Variants in ATF7 observed in about 807,000 individuals in gnomAD.
ATF7 encodes cyclic AMP-dependent transcription factor ATF-7.
A neutral mutation model predicts 50.4 loss-of-function variants in ATF7; 10 were observed. The ratio of observed to expected loss-of-function variants is 0.20; its 90% CI spans 0.12 to 0.34. The LOEUF is 0.34. ATF7 is among the 10% of genes least tolerant of loss of function. The pLI, the probability that ATF7 is intolerant of heterozygous loss-of-function variation, is 1.00. For synonymous variants in ATF7, 201 were observed against 226.4 expected (o/e 0.89, Z 1.01); for missense variants, 465 against 613.9 (o/e 0.76, Z 2.56).
intron 2 of ATF7, among the ~76,000 whole-genome samples, chr12:53,558,218 G>A (rs2137543081): frequency 6.6e-6 from 1 of 152,320 alleles, no homozygotes; most frequent in Non-Finnish European, 1.5e-5. Flanking sequence ...AATGTTTGGA[G>A]ACATTTTTGT....
chr12:53,540,560 C>T (rs1001261810), intron 4 of ATF7, among the ~76,000 whole-genome samples: 1 of 151,396 alleles, frequency 6.6e-6, no homozygotes, highest in African/African-American at 2.4e-5. Flanking sequence ...CCTATCTCTA[C>T]TAAAAATACA....
chr12:53,562,353 A>T (rs978273553), intron 2 of ATF7, among the ~76,000 whole-genome samples: 2 of 152,164 alleles, frequency 1.3e-5, no homozygotes, highest in South Asian at 4.1e-4. Flanking sequence ...ACTTTTGCCC[A>T]TGTAGGCCGG....
chr12:53,587,843 A>ATATATATATATTTTTTTT, intron 2 of ATF7, among the ~76,000 whole-genome samples: 1 of 61,568 alleles, frequency 1.6e-5, no homozygotes, highest in Non-Finnish European at 3.4e-5. Context: ...ATATATATAT[A>ATATATATATATTTTTTTT]TTTTTTTTTT....
At chr12:53,625,236 G>A (rs1944556195) in intron 1 of ATF7, among the ~76,000 whole-genome samples, 1 of 152,198 alleles carries the variant, frequency 6.6e-6, no homozygotes, top group Non-Finnish European at 1.5e-5. Flanking sequence ...GACTGCTTAA[G>A]TCCCAAGACC....
intron 1 of ATF7, among the ~76,000 whole-genome samples, chr12:53,604,225 A>G (rs1232987925): frequency 6.6e-6 from 1 of 152,216 alleles, no homozygotes; most frequent in Non-Finnish European, 1.5e-5. Context: ...CTAGAGGCCA[A>G]CATCTGCAGA....
intron 2 of ATF7, among the ~76,000 whole-genome samples, chr12:53,565,400 G>T (rs1467197876): frequency 6.9e-6 from 1 of 145,522 alleles, no homozygotes; most frequent in African/African-American, 2.6e-5. Flanking sequence ...GGTCATCTCA[G>T]TTTCTGCTAT....
At position 53,537,428 on chromosome 12, in the gene ATF7, G is replaced by C. The variant is rs760630122; in HGVS notation, c.389C>G (p.Pro130Arg). 1 of 1,613,700 alleles carries C rather than the reference G, an allele frequency of 6.2e-7. No homozygotes were observed. The highest frequency in any genetic ancestry group is 1.1e-5 in the South Asian group (1 of 91,070). ...DSPASSPCSP[P>R]LKEKEVTPKP... Reference sequence around the variant, plus strand: ...TAGAGAATTTACCTTCTCCTTCAGTGGTGGGGAACAGGGACTAGAGGCAGG... The same window carrying C: ...TAGAGAATTTACCTTCTCCTTCAGTCGTGGGGAACAGGGACTAGAGGCAGG... Residue 130 changes from proline (P) to arginine (R), a missense_variant, in exon 5 of 12, where the codon CCA (proline) becomes CGA (arginine). By Grantham distance (103) the Pro-to-Arg change is moderately radical (BLOSUM62 -2). Coordinates refer to ENST00000420353, the MANE Select transcript of ATF7 (RefSeq NM_006856.3).
intron 1 of ATF7, among the ~76,000 whole-genome samples, chr12:53,623,132 TA>T (rs1018418776): frequency 1.3e-5 from 2 of 152,194 alleles, no homozygotes; most frequent in African/African-American, 4.8e-5. Flanking sequence ...CAGCACAATG[TA>T]AAAAATGTTC....
chr12:53,509,555 G>A (rs1443089631), downstream of ATF7, among the ~76,000 whole-genome samples: 2 of 150,154 alleles, frequency 1.3e-5, no homozygotes, highest in South Asian at 2.1e-4. Flanking sequence ...CCAGGCTGGA[G>A]TGCAGTGGTG....
intron 1 of ATF7, among the ~76,000 whole-genome samples, chr12:53,602,572 C>T (rs1234216207): frequency 6.6e-6 from 1 of 152,110 alleles, no homozygotes; most frequent in Non-Finnish European, 1.5e-5. Context: ...GAAACATGGT[C>T]TAACTAGGAA....
chr12:53,539,322 TAA>T (rs1226619435), intron 4 of ATF7, among the ~76,000 whole-genome samples: 2 of 152,244 alleles, frequency 1.3e-5, no homozygotes, highest in Non-Finnish European at 2.9e-5. Context: ...CTCATGCCTG[TAA>T]TCTCAACACT....
chr12:53,564,827 C>T (rs761892193), intron 2 of ATF7, among the ~76,000 whole-genome samples: 1 of 152,168 alleles, frequency 6.6e-6, no homozygotes, highest in Non-Finnish European at 1.5e-5. Flanking sequence ...GAATGGCTTT[C>T]AACATGGCCC....
intron 2 of ATF7, among the ~76,000 whole-genome samples, chr12:53,563,609 T>C (rs1173419894): frequency 6.6e-6 from 1 of 152,226 alleles, no homozygotes; most frequent in Non-Finnish European, 1.5e-5. Context: ...AGAACAAGGA[T>C]GTCTCAAACA....
chr12:53,519,936 T>C (rs1938005877), intron 11 of ATF7, among the ~76,000 whole-genome samples: 1 of 152,058 alleles, frequency 6.6e-6, no homozygotes, highest in South Asian at 2.1e-4. Flanking sequence ...TTAGTAGAGA[T>C]GGGGTTTCAC....
chr12:53,592,098 G>A (rs1445585474), intron 2 of ATF7, among the ~76,000 whole-genome samples: 4 of 152,164 alleles, frequency 2.6e-5, no homozygotes, highest in South Asian at 4.1e-4. Flanking sequence ...AAGTTGGTTC[G>A]GCACTTCAAT....
chr12:53,583,572 T>A (rs1942537039), intron 2 of ATF7, among the ~76,000 whole-genome samples: 1 of 152,072 alleles, frequency 6.6e-6, no homozygotes, highest in Non-Finnish European at 1.5e-5. Context: ...TGAAAAAAAT[T>A]CTTCCAGGAA....
intron 1 of ATF7, among the ~76,000 whole-genome samples, chr12:53,612,741 C>T (rs2017829): frequency 0.38 from 57,062 of 152,106 alleles, 13,426 homozygotes; most frequent in Non-Finnish European, 0.53. Flanking sequence ...CAGTAGCTCT[C>T]GCCTGTAATC....
chr12:53,572,959 G>GT lies in ATF7; in HGVS notation c.49-20323dup, dbSNP rs539954011. Among the ~76,000 whole-genome samples, 1,134 of 151,392 alleles carry GT rather than the reference G, an allele frequency of 7.5e-3. 4 individuals are homozygous for GT. The highest frequency in any genetic ancestry group is 0.016 in the Admixed American group (241 of 15,130). Reference sequence around the variant, plus strand: ...CACCACCACACCCAGCTAATTTTGTGTTTTTAGTAGAGACGGGGTTTCACC... The same window carrying GT: ...CACCACCACACCCAGCTAATTTTGTGTTTTTTAGTAGAGACGGGGTTTCACC... On this transcript the variant is annotated intron_variant, in intron 2 of 11. Transcript: ENST00000420353.
intron 2 of ATF7, among the ~76,000 whole-genome samples, chr12:53,587,843 A>ATTTTTTTTT (rs201692852): frequency 4.9e-5 from 3 of 61,568 alleles, no homozygotes; most frequent in South Asian, 7.4e-4. Flanking sequence ...ATATATATAT[A>ATTTTTTTTT]TTTTTTTTTT....
Sources: gnomAD v4.1 joint callset for allele counts (sites outside exome capture counted in the v4.1 genomes callset) on GRCh38, gnomAD v4.1.1 for gene constraint, MANE v1.5 for transcripts, NCBI Gene and HGNC (gene_info 2026-07-23, HGNC 2026-07-21) for gene names.